The following YBX2 variants were observed in gnomAD, a reference collection of about 807,000 sequenced individuals.
YBX2 encodes the protein Y-box-binding protein 2.
YBX2 carries 5 observed loss-of-function variants against 44.4 expected under a neutral mutation model. That is an observed-to-expected ratio of 0.11 (90% confidence interval 0.06 to 0.24). The LOEUF is 0.24. YBX2 is among the 10% of genes least tolerant of loss of function. The pLI is 1.00. For synonymous variants in YBX2, 188 were observed against 216.1 expected (o/e 0.87, Z 1.14); for missense variants, 417 against 526.9 (o/e 0.79, Z 2.04).
Position 7,288,574 on chromosome 17 carries a change from C to G in YBX2, c.*109G>C. The G allele has an allele frequency of 1.8e-6, 1 of 562,358 alleles. No individual in the cohort carries two copies. The highest frequency in any genetic ancestry group is 3.1e-5 in the East Asian group (1 of 32,706). 34.8% of individuals were successfully genotyped at this position (562,358 alleles called of 1,614,324 possible). On this transcript the variant is annotated 3_prime_UTR_variant, in exon 9 of 9. Coordinates refer to ENST00000007699, the MANE Select transcript of YBX2 (RefSeq NM_015982.4). ...AGGTGAAAAGCTGGTGTTTTGATGT[C>G]ATGAATTATGGGAAAGGGGGAGCAG... is the stretch of plus-strand genomic sequence containing the variant.
chr17:7,292,630 T>C (rs1225033799), intron 2 of YBX2: 2 of 156,330 alleles, frequency 1.3e-5, no homozygotes, highest in African/African-American at 2.5e-5. Context: ...TCAACACGCG[T>C]GGGACCAAGG....
Position 7,290,432 on chromosome 17 carries a change from G to C in YBX2, c.563C>G (p.Pro188Arg), listed in dbSNP as rs1021509401. Residue 188 changes from proline (P) to arginine (R), a missense_variant, in exon 5 of 9, where the codon CCC becomes CGC. Physicochemically the swap from Pro to Arg is moderately radical, Grantham distance 103. Coordinates refer to ENST00000007699, the MANE Select transcript of YBX2 (RefSeq NM_015982.4). ...CACCATGGGTGGTGGGGCAACTGAG[G>C]GAGGCCGGGGGATGAATCGGCGGGA... ...RKSRRFIPRP[P>R]SVAPPPMVAE... is the part of the protein sequence containing the mutation. 1 of 1,614,012 alleles carries C rather than the reference G, an allele frequency of 6.2e-7. No homozygotes were observed. The highest frequency in any genetic ancestry group is 2.2e-5 in the East Asian group (1 of 44,890).
In YBX2 at chr17:7,294,461, G is replaced by A. The variant is rs1344033004; in HGVS notation, c.40C>T (p.Pro14Ser). Residue 14 changes from proline to serine, a missense_variant, in exon 1 of 9, where the codon CCC becomes TCC. Transcript: ENST00000007699. This position sits in a 1 kb window ranked among gnomAD's most constrained non-coding sequence, Gnocchi z 4.6. ...VEAAAGATAV[P>S]AATVPATAAG... ...GCCGTCGCGGGCACCGTCGCCGCGG[G>A]GACCGCTGTAGCCCCCGCTGCCGCC... 6.8e-7 allele frequency: 1 copy of A among 1,476,002 alleles called. No individual in the cohort carries two copies. 91.4% of individuals were successfully genotyped at this position (1,476,002 alleles called of 1,614,324 possible). A position where few individuals can be genotyped will look rare whatever the true frequency, so the allele number is the denominator to read the frequency against.
chr17:7,292,151 T>G, intron 2 of YBX2, 92 bp from the exon 3 acceptor site: 1 of 1,441,360 alleles, frequency 6.9e-7, no homozygotes, highest in Non-Finnish European at 9.8e-7. Context: ...CTAAGCTCAG[T>G]GGGCCCATCC....
intron 6 of YBX2, 117 bp downstream of exon 6, chr17:7,289,851 C>A: frequency 1.3e-6 from 2 of 1,583,640 alleles, no homozygotes; most frequent in Non-Finnish European, 1.7e-6. Context: ...CCGCAAGGCA[C>A]CTGTCTCGCC....
chr17:7,292,229 G>A, intron 2 of YBX2, 170 bp from the exon 3 acceptor site: 2 of 751,308 alleles, frequency 2.7e-6, no homozygotes, highest in Non-Finnish European at 4.7e-6. Context: ...AGGGCCCCCA[G>A]AAGCTGGTGT....
In YBX2 at chr17:7,294,454, G is replaced by A. The variant is rs1361420686; in HGVS notation, c.47C>T (p.Ala16Val). 2.0e-6 allele frequency: 3 copies of A among 1,475,042 alleles called. No homozygotes were observed. Among genetic ancestry groups the A allele is most frequent in the Non-Finnish European group, 1.8e-6 (2 of 1,116,274 alleles). 91.4% of individuals were successfully genotyped at this position (1,475,042 alleles called of 1,614,324 possible). The change falls in exon 1 of 9, where the codon GCG becomes GTG. Residue 16 changes from alanine (A) to valine (V), a missense_variant. By Grantham distance (64) the Ala-to-Val change is moderately conservative. Transcript: ENST00000007699. This position sits in a 1 kb window ranked among gnomAD's most constrained non-coding sequence, Gnocchi z 4.6. ...AAAGATAVPA[A>V]TVPATAAGVV... ...CCCTGCCGCCGTCGCGGGCACCGTCGCCGCGGGGACCGCTGTAGCCCCCGC... is the reference window on the plus strand; with the variant it reads ...CCCTGCCGCCGTCGCGGGCACCGTCACCGCGGGGACCGCTGTAGCCCCCGC...
chr17:7,294,211 G>A lies in YBX2; in HGVS notation c.271+19C>T, dbSNP rs2072522221. On this transcript the variant is annotated intron_variant, in intron 1 of 8. Transcript: ENST00000007699. The surrounding 1 kb of genome is among the most constrained non-coding windows in gnomAD (Gnocchi z 4.6). Reference sequence around the variant, plus strand: ...CCCGCCGACCCCTCAGAGCCGCCCTGTGCGCGCCTGCCCCTCACCCAGCAC... The same window carrying A: ...CCCGCCGACCCCTCAGAGCCGCCCTATGCGCGCCTGCCCCTCACCCAGCAC... 3 of 1,264,264 alleles carry A rather than the reference G, an allele frequency of 2.4e-6. No individual in the cohort carries two copies. The highest frequency in any genetic ancestry group is 3.1e-5 in the African/African-American group (2 of 64,414). 78.3% of individuals were successfully genotyped at this position (1,264,264 alleles called of 1,614,324 possible).
In YBX2 at chr17:7,290,671, T is replaced by G. The variant is rs570595878; in HGVS notation, c.460-136A>C. 1.1e-4 allele frequency: 118 copies of G among 1,072,946 alleles called. 1 individual carries two copies. Among genetic ancestry groups the G allele is most frequent in the Non-Finnish European group, 1.5e-4 (112 of 759,114 alleles). 66.5% of individuals were successfully genotyped at this position (1,072,946 alleles called of 1,614,324 possible). On this transcript the variant is annotated intron_variant, in intron 4 of 8. Transcript: ENST00000007699. ...TCCTCTAACTTCTTTCTACCCTCCC[T>G]GGAGAGGCAGTGGAATGTGCTTGCA...
intron 2 of YBX2, 162 bp downstream of exon 2, chr17:7,293,313 C>G (rs2072515214): frequency 3.8e-6 from 5 of 1,319,108 alleles, no homozygotes; most frequent in Admixed American, 2.0e-5. Context: ...CCTCTTGTCA[C>G]GAAGCACACA....
chr17:7,290,431 G>A lies in YBX2; in HGVS notation c.564C>T (p.Pro188=), dbSNP rs1482067370. ...RKSRRFIPRP[P]SVAPPPMVAE... ...CCACCATGGGTGGTGGGGCAACTGA[G>A]GGAGGCCGGGGGATGAATCGGCGGG... The change falls in exon 5 of 9, where the codon CCC becomes CCT. Residue 188 remains proline (P), a synonymous_variant. Coordinates refer to ENST00000007699, the MANE Select transcript of YBX2 (RefSeq NM_015982.4). 1.9e-6 allele frequency: 3 copies of A among 1,614,010 alleles called. No homozygotes were observed. In the East Asian group the frequency reaches 6.7e-5, roughly 36 times the overall value.
chr17:7,289,259 G>A (rs186140714), intron 7 of YBX2, among the ~76,000 whole-genome samples: 15 of 151,244 alleles, frequency 9.9e-5, no homozygotes, highest in Non-Finnish European at 2.1e-4. Flanking sequence ...TCTACAAGCT[G>A]GTAGGATGGC....
In YBX2 at chr17:7,294,464, C is replaced by A. The variant is rs1442962631; in HGVS notation, c.37G>T (p.Val13Phe). ...EVEAAAGATA[V>F]PAATVPATAA... ...GTCGCGGGCACCGTCGCCGCGGGGA[C>A]CGCTGTAGCCCCCGCTGCCGCCTCC... is the stretch of plus-strand genomic sequence containing the variant. Residue 13 changes from valine (V) to phenylalanine (F), a missense_variant, in exon 1 of 9, where the codon GTC (valine) becomes TTC (phenylalanine). Physicochemically the swap from Val to Phe is conservative, Grantham distance 50 (BLOSUM62 -1). Coordinates refer to ENST00000007699, the MANE Select transcript of YBX2 (RefSeq NM_015982.4). This position sits in a 1 kb window ranked among gnomAD's most constrained non-coding sequence, Gnocchi z 4.6. 6.8e-7 allele frequency: 1 copy of A among 1,476,564 alleles called. No individual in the cohort carries two copies. 91.5% of individuals were successfully genotyped at this position (1,476,564 alleles called of 1,614,324 possible).
chr17:7,291,454 C>T lies in YBX2; in HGVS notation c.370-272G>A. 1 of 510,024 alleles carries T rather than the reference C, an allele frequency of 2.0e-6. No homozygotes were observed. The highest frequency in any genetic ancestry group is 2.0e-5 in the South Asian group (1 of 49,042). 31.6% of individuals were successfully genotyped at this position (510,024 alleles called of 1,614,324 possible). A position where few individuals can be genotyped will look rare whatever the true frequency, so the allele number is the denominator to read the frequency against. ...CCCTCAGGGATTTCAGAAAGGGAGG[C>T]AAGAAATATGAACTCCAAAGCAAAA... On this transcript the variant is annotated intron_variant, in intron 3 of 8. Coordinates refer to ENST00000007699, the MANE Select transcript of YBX2 (RefSeq NM_015982.4). This position sits in a 1 kb window ranked among gnomAD's most constrained non-coding sequence, Gnocchi z 5.8.
At chr17:7,293,651 AT>A in intron 1 of YBX2, 113 bp from the exon 2 acceptor site, 1 of 1,561,846 alleles carries the variant, frequency 6.4e-7, no homozygotes, top group Non-Finnish European at 8.7e-7. Context: ...CTTATTACCT[AT>A]TCAGGTTACC....
intron 2 of YBX2, chr17:7,292,313 G>C: frequency 1.9e-6 from 1 of 516,870 alleles, no homozygotes; most frequent in Non-Finnish European, 3.5e-6. Flanking sequence ...GGAGGCAAAG[G>C]CACCTTGAGG....
chr17:7,289,753 G>C, intron 6 of YBX2, 28 bp from the exon 7 acceptor site: 1 of 1,612,496 alleles, frequency 6.2e-7, no homozygotes, highest in Non-Finnish European at 8.5e-7. Flanking sequence ...GCTCTGAGGG[G>C]ACCAGGGAAT....
At chr17:7,290,613 C>T (rs973523160) in intron 4 of YBX2, 78 bp from the exon 5 acceptor site, 3 of 1,516,508 alleles carry the variant, frequency 2.0e-6, no homozygotes, top group African/African-American at 2.7e-5. Context: ...CCCCTTCTTT[C>T]AGGGGAAGAC....
At chr17:7,290,627 T>C in intron 4 of YBX2, 92 bp from the exon 5 acceptor site, 2 of 1,458,504 alleles carry the variant, frequency 1.4e-6, no homozygotes, top group Non-Finnish European at 1.9e-6. Flanking sequence ...GGAAGACCCC[T>C]CTCCAGCTTT....
Sources: allele counts gnomAD v4.1 joint callset (sites outside exome capture counted in the v4.1 genomes callset), GRCh38; gene constraint gnomAD v4.1.1; non-coding constraint Gnocchi (gnomAD v3.1); transcripts MANE v1.5; gene names NCBI Gene and HGNC (gene_info 2026-07-23, HGNC 2026-07-21).